Variants in IGSF9B observed in about 807,000 individuals in gnomAD.
IGSF9B encodes immunoglobulin superfamily member 9B.
Under a neutral mutation model 143.7 loss-of-function variants are expected in IGSF9B, and 48 were observed. That is an observed-to-expected ratio of 0.33 (90% CI 0.26 to 0.42). The LOEUF (loss-of-function observed/expected upper bound fraction) is 0.42. IGSF9B is among the 20% of genes least tolerant of loss of function. IGSF9B has a pLI of 1.00. For synonymous variants in IGSF9B, 903 were observed against 833.1 expected, an observed-to-expected ratio of 1.08 and a Z score of -1.44; for missense variants, 1,706 against 1,980.0, an observed-to-expected ratio of 0.86 and a Z score of 2.63.
At chr11:133,911,167 AT>A (rs1463654076) in intron 19 of IGSF9B, among the ~76,000 whole-genome samples, 1 of 152,232 alleles carries the variant, frequency 6.6e-6, no homozygotes, top group Non-Finnish European at 1.5e-5. Flanking sequence ...TCCTAAAACC[AT>A]TCATGAAAAG....
intron 3 of IGSF9B, among the ~76,000 whole-genome samples, chr11:133,940,350 T>C (rs1239225560): frequency 8.4e-6 from 1 of 118,956 alleles, no homozygotes; most frequent in East Asian, 2.8e-4. Context: ...CTCGCACGCG[T>C]CATCGCACGC....
intron 18 of IGSF9B, among the ~76,000 whole-genome samples, chr11:133,915,900 G>A (rs1447018384): frequency 6.6e-6 from 1 of 152,182 alleles, no homozygotes. Context: ...CCATAGCAAG[G>A]GAAAGGGTGG....
rs1267915537 is a variant in IGSF9B, at chr11:133,946,246, A to T, written c.77T>A (p.Leu26Gln). The change falls in exon 2 of 20, where the codon CTG becomes CAG. Residue 26 changes from leucine to glutamine, a missense_variant. Transcript: ENST00000533871. ...RGLAAEGAHG[L>Q]REEPEFVTAR... is the part of the protein sequence containing the mutation. ...CGTCACAAACTCGGGCTCCTCTCGC[A>T]GGCCGTGGGCGCCTGATGGGGACGG... 13 of 1,613,288 alleles carry T rather than the reference A, an allele frequency of 8.1e-6. No individual in the cohort carries two copies. In the East Asian group the frequency reaches 2.9e-4, roughly 36 times the overall value.
At chr11:133,955,215 A>C (rs1940229343) in intron 1 of IGSF9B, among the ~76,000 whole-genome samples, 1 of 152,190 alleles carries the variant, frequency 6.6e-6, no homozygotes, top group African/African-American at 2.4e-5. Flanking sequence ...TGTCAAGCGC[A>C]GCCCGATGCA....
At chr11:133,917,916 G>A (rs1376582684) in intron 18 of IGSF9B, among the ~76,000 whole-genome samples, 2 of 152,038 alleles carry the variant, frequency 1.3e-5, no homozygotes, top group Non-Finnish European at 2.9e-5. Flanking sequence ...GGGTGTTCTG[G>A]GCCCCTTCGG....
rs570946000 is a variant in IGSF9B, at chr11:133,945,198, T to C, written c.263-832A>G. Among the ~76,000 whole-genome samples the C allele has an allele frequency of 1.3e-5, 2 of 152,174 alleles. No individual in the cohort carries two copies. The highest frequency in any genetic ancestry group is 4.8e-5 in the African/African-American group (2 of 41,512). ...ACCTCACCCGCTCTTAGCTCACCCC[T>C]CACCGCAGCCAATATCACCACACCT... On this transcript the variant is annotated intron_variant, in intron 2 of 19. Transcript: ENST00000533871. The surrounding 1 kb of genome is among the most constrained non-coding windows in gnomAD (Gnocchi z 4.6).
chr11:133,929,639 A>G (rs375358481), intron 12 of IGSF9B, 32 bp downstream of exon 12: 8 of 1,487,902 alleles, frequency 5.4e-6, no homozygotes, highest in Non-Finnish European at 7.5e-6. Flanking sequence ...CAGAGAGCAA[A>G]GCATGCCGGG....
At chr11:133,954,222 G>A (rs947600674) in intron 1 of IGSF9B, among the ~76,000 whole-genome samples, 3 of 152,150 alleles carry the variant, frequency 2.0e-5, no homozygotes, top group Non-Finnish European at 2.9e-5. Flanking sequence ...GCTGTGTGTT[G>A]CAAGCCCTCA....
intron 18 of IGSF9B, chr11:133,918,962 G>C (rs1939449732): frequency 2.1e-6 from 1 of 469,058 alleles, no homozygotes. Flanking sequence ...AGGAGGAGCG[G>C]GGACGGCAGG....
At chr11:133,940,319 GAA>G (rs1310977188) in intron 3 of IGSF9B, among the ~76,000 whole-genome samples, 1 of 84,344 alleles carries the variant, frequency 1.2e-5, no homozygotes, top group Non-Finnish European at 2.2e-5. Flanking sequence ...ATCGCACGCA[GAA>G]ACATACACCT....
intron 18 of IGSF9B, among the ~76,000 whole-genome samples, chr11:133,916,727 G>T (rs1317902281): frequency 2.6e-5 from 4 of 152,178 alleles, no homozygotes; most frequent in African/African-American, 9.7e-5. Flanking sequence ...AAGGGGTGAG[G>T]AATAACACAT....
rs1363468040 is a variant in IGSF9B at position 133,912,095 on chromosome 11, C to A, written c.3984-88G>T. ...GCTGGAAGAAAGCCAAGTAGCTGAC[C>A]CACAGAAGGACAGAGTTCAGTCCTA... On this transcript the variant is annotated intron_variant, in intron 18 of 19. Transcript: ENST00000533871. The A allele has an allele frequency of 4.2e-6, 6 of 1,433,256 alleles. No individual in the cohort carries two copies. The Admixed American group carries it at 9.8e-5, about 23-fold the overall frequency. 88.8% of individuals were successfully genotyped at this position (1,433,256 alleles called of 1,614,324 possible).
chr11:133,908,404 G>A lies in IGSF9B; in HGVS notation c.*665C>T, dbSNP rs867027277. Among the ~76,000 whole-genome samples, 32 of 152,130 alleles carry A rather than the reference G, an allele frequency of 2.1e-4. No homozygotes were observed. Among genetic ancestry groups the A allele is most frequent in the Middle Eastern group, 3.4e-3 (1 of 294 alleles). On this transcript the variant is annotated 3_prime_UTR_variant, in exon 20 of 20. Coordinates refer to ENST00000533871, the MANE Select transcript of IGSF9B (RefSeq NM_001277285.4). ...GGGTGGGAGAAGGTAGGAGACACACGGAGAATTCAGCTGAGAGACACGGAT... is the reference window on the plus strand; with the variant it reads ...GGGTGGGAGAAGGTAGGAGACACACAGAGAATTCAGCTGAGAGACACGGAT...
At position 133,928,867 on chromosome 11, in the gene IGSF9B, C is replaced by G. The variant is rs1793680; in HGVS notation, c.1631+804G>C. Among the ~76,000 whole-genome samples, 1 of 151,976 alleles carries G rather than the reference C, an allele frequency of 6.6e-6. No homozygotes were observed. Among genetic ancestry groups the G allele is most frequent in the African/African-American group, 2.4e-5 (1 of 41,370 alleles). ...CTGACAACAGAGGAATGAAAACAATCGAGAAACACATGGTCCTAGAGAGAA... is the reference window on the plus strand; with the variant it reads ...CTGACAACAGAGGAATGAAAACAATGGAGAAACACATGGTCCTAGAGAGAA... On this transcript the variant is annotated intron_variant, in intron 12 of 19. Coordinates refer to ENST00000533871, the MANE Select transcript of IGSF9B (RefSeq NM_001277285.4). The surrounding 1 kb of genome is among the most constrained non-coding windows in gnomAD (Gnocchi z 4.7).
intron 12 of IGSF9B, among the ~76,000 whole-genome samples, chr11:133,927,666 G>A (rs1939651781): frequency 1.3e-5 from 2 of 152,348 alleles, no homozygotes; most frequent in East Asian, 1.9e-4. Flanking sequence ...AGGGTTGGAA[G>A]AAGGTCACGC....
intron 18 of IGSF9B, among the ~76,000 whole-genome samples, chr11:133,915,736 G>A (rs546521046): frequency 1.7e-4 from 26 of 152,350 alleles, no homozygotes; most frequent in African/African-American, 6.0e-4. Flanking sequence ...GCGCCCAGGA[G>A]CTGACCATTT....
intron 11 of IGSF9B, 91 bp from the exon 12 acceptor site, chr11:133,929,873 G>A (rs575648138): frequency 3.2e-5 from 26 of 811,904 alleles, no homozygotes; most frequent in African/African-American, 3.2e-4. Flanking sequence ...CTGAGAGGCT[G>A]AAGCGCATGG....
At chr11:133,926,326 A>G (rs1021291862) in intron 13 of IGSF9B, among the ~76,000 whole-genome samples, 1 of 152,232 alleles carries the variant, frequency 6.6e-6, no homozygotes. Context: ...CAGAGGTGCC[A>G]AGGACTGGGG....
rs758663525 is a variant in IGSF9B at position 133,904,146 on chromosome 11, C to A, written c.*4923G>T. Among the ~76,000 whole-genome samples the A allele has an allele frequency of 3.9e-5, 6 of 152,150 alleles. No homozygotes were observed. The highest frequency in any genetic ancestry group is 7.2e-5 in the African/African-American group (3 of 41,440). On this transcript the variant is annotated 3_prime_UTR_variant, in exon 20 of 20. Coordinates refer to ENST00000533871, the MANE Select transcript of IGSF9B (RefSeq NM_001277285.4). Reference sequence around the variant, plus strand: ...TGGCCGGAAGGAAGCCTCTCTACCTCAAGAGGAAAGGGGGATGAAGGCACG... The same window carrying A: ...TGGCCGGAAGGAAGCCTCTCTACCTAAAGAGGAAAGGGGGATGAAGGCACG...
Sources: allele counts gnomAD v4.1 joint callset (sites outside exome capture counted in the v4.1 genomes callset), GRCh38; gene constraint gnomAD v4.1.1; non-coding constraint Gnocchi (gnomAD v3.1); transcripts MANE v1.5; gene names NCBI Gene and HGNC (gene_info 2026-07-23, HGNC 2026-07-21).